Variants in C12orf42 observed in about 807,000 individuals in gnomAD.
C12orf42 encodes chromosome 12 open reading frame 42, also known as uncharacterized protein C12orf42.
Under a neutral mutation model 21.6 loss-of-function variants are expected in C12orf42, and 25 were observed. The ratio of observed to expected loss-of-function variants is 1.16; its 90% CI spans 0.84 to 1.62. The LOEUF is 1.62. C12orf42 is among the 40% of genes most tolerant of loss of function. C12orf42 has a pLI of 0.00. For synonymous variants in C12orf42, 174 were observed against 175.0 expected (o/e 0.99, Z 0.05); for missense variants, 483 against 459.3 (o/e 1.05, Z -0.47).
At chr12:103,124,842 G>A in the C12orf42 span, among the ~76,000 whole-genome samples, 2 of 152,076 alleles carry the variant, frequency 1.3e-5, no homozygotes, top group Non-Finnish European at 2.9e-5. Context: ...TACAAACACC[G>A]AGGGCACTTA....
chr12:103,109,495 A>G, the C12orf42 span, among the ~76,000 whole-genome samples: 15 of 152,086 alleles, frequency 9.9e-5, no homozygotes, highest in Non-Finnish European at 1.9e-4. Flanking sequence ...CCGGCTTGCC[A>G]TTCCAGATGG....
At chr12:103,127,953 A>G in the C12orf42 span, among the ~76,000 whole-genome samples, 1 of 152,234 alleles carries the variant, frequency 6.6e-6, no homozygotes, top group African/African-American at 2.4e-5. Context: ...AATAGGAAAG[A>G]TTGCCCTTAA....
intron 3 of C12orf42, among the ~76,000 whole-genome samples, chr12:103,397,195 C>G (rs766551664): frequency 3.9e-5 from 6 of 152,154 alleles, no homozygotes; most frequent in Non-Finnish European, 7.4e-5. Context: ...TCAATTTATT[C>G]CTTTAAACTA....
chr12:103,301,315 T>C (rs1217181977), downstream of C12orf42, among the ~76,000 whole-genome samples: 1 of 152,214 alleles, frequency 6.6e-6, no homozygotes, highest in African/African-American at 2.4e-5. Context: ...TCACATTGAC[T>C]TCTCTTTGTT....
intron 4 of C12orf42, among the ~76,000 whole-genome samples, chr12:103,288,040 T>C (rs1013070970): frequency 2.0e-5 from 3 of 152,218 alleles, no homozygotes; most frequent in Non-Finnish European, 2.9e-5. Flanking sequence ...GAGAAGACTT[T>C]GTTCAACCTA....
At chr12:103,121,358 C>T in the C12orf42 span, among the ~76,000 whole-genome samples, 2 of 152,286 alleles carry the variant, frequency 1.3e-5, no homozygotes, top group Admixed American at 1.3e-4. Flanking sequence ...TCCTGGTCAG[C>T]AGGCTGAATA....
intron 4 of C12orf42, among the ~76,000 whole-genome samples, chr12:103,350,466 G>C (rs888970720): frequency 6.6e-6 from 1 of 152,130 alleles, no homozygotes; most frequent in Non-Finnish European, 1.5e-5. Flanking sequence ...CAACACACAA[G>C]AGTAGTGATA....
chr12:103,495,404 G>T (rs996834688), intron 1 of C12orf42, among the ~76,000 whole-genome samples: 22 of 151,868 alleles, frequency 1.4e-4, no homozygotes, highest in Non-Finnish European at 2.8e-4. Context: ...CAACCGCTCC[G>T]CCCGGCCCCT....
At chr12:103,484,839 G>T (rs1057020302) in intron 1 of C12orf42, among the ~76,000 whole-genome samples, 1 of 148,936 alleles carries the variant, frequency 6.7e-6, no homozygotes, top group Non-Finnish European at 1.5e-5. Context: ...TTTGTATAAG[G>T]TGTAAGGAAG....
intron 4 of C12orf42, among the ~76,000 whole-genome samples, chr12:103,295,569 TATGGA>T (rs964754212): frequency 4.1e-4 from 62 of 152,290 alleles, no homozygotes; most frequent in African/African-American, 1.4e-3. Context: ...ACCTCACAGT[TATGGA>T]ATGAAGGTAA....
chr12:103,190,169 A>G, the C12orf42 span, among the ~76,000 whole-genome samples: 2 of 152,218 alleles, frequency 1.3e-5, no homozygotes, highest in African/African-American at 4.8e-5. Context: ...GTCTGAGGCC[A>G]AGGGCCTGAG....
the C12orf42 span, among the ~76,000 whole-genome samples, chr12:103,072,362 A>G: frequency 1.3e-5 from 2 of 152,156 alleles, no homozygotes; most frequent in Non-Finnish European, 1.5e-5. Flanking sequence ...AGACAGAAGA[A>G]CAGATCCTAT....
chr12:103,275,525 AC>A (rs1271060525), intron 5 of C12orf42, among the ~76,000 whole-genome samples: 3 of 152,268 alleles, frequency 2.0e-5, no homozygotes, highest in South Asian at 2.1e-4. Flanking sequence ...AGTAATCCTG[AC>A]CTTAGATAAA....
At chr12:103,475,512 C>T (rs777807833) in intron 2 of C12orf42, among the ~76,000 whole-genome samples, 6 of 152,072 alleles carry the variant, frequency 3.9e-5, no homozygotes, top group Non-Finnish European at 7.4e-5. Context: ...TCTCTCTCAC[C>T]GAAAAAGAGT....
the C12orf42 span, among the ~76,000 whole-genome samples, chr12:103,228,193 T>TA: frequency 1.3e-5 from 2 of 151,812 alleles, no homozygotes; most frequent in South Asian, 4.2e-4. Flanking sequence ...GCGGGCTGAG[T>TA]CCAAAAGAGA....
At chr12:103,277,341 A>C (rs893957739) in intron 4 of C12orf42, 22 of 253,442 alleles carry the variant, frequency 8.7e-5, no homozygotes, top group Non-Finnish European at 1.5e-4. Flanking sequence ...TTTTCCAAAA[A>C]AATTAAACAG....
At chr12:103,068,886 T>TATATAG in the C12orf42 span, among the ~76,000 whole-genome samples, 1 of 133,368 alleles carries the variant, frequency 7.5e-6, no homozygotes, top group African/African-American at 2.8e-5. Flanking sequence ...TATATATATA[T>TATATAG]ATAGATAGAT....
At chr12:103,350,282 T>A (rs1389988117) in intron 4 of C12orf42, among the ~76,000 whole-genome samples, 1 of 152,204 alleles carries the variant, frequency 6.6e-6, no homozygotes, top group African/African-American at 2.4e-5. Flanking sequence ...TGAAATCTCG[T>A]GCCATCTTGC....
At chr12:103,488,796 C>G (rs1197597465) in intron 1 of C12orf42, among the ~76,000 whole-genome samples, 2 of 152,154 alleles carry the variant, frequency 1.3e-5, no homozygotes, top group Non-Finnish European at 2.9e-5. Context: ...GTTTTCAGCT[C>G]CATCAGTTCA....
Sources: gnomAD v4.1 joint callset for allele counts (sites outside exome capture counted in the v4.1 genomes callset) on GRCh38, gnomAD v4.1.1 for gene constraint, MANE v1.5 for transcripts, NCBI Gene and HGNC (gene_info 2026-07-23, HGNC 2026-07-21) for gene names.